NTM: variants seen among roughly 807,000 people sequenced by gnomAD.
The protein encoded by NTM is neurotrimin.
A neutral mutation model predicts 42.1 loss-of-function variants in NTM; 13 were observed. That is an observed-to-expected ratio of 0.31 (90% CI 0.20 to 0.49). The LOEUF (loss-of-function observed/expected upper bound fraction) is 0.49, where lower values mean the gene tolerates loss of function less well. NTM is among the 20% of genes least tolerant of loss of function. The pLI, the probability that NTM is intolerant of heterozygous loss-of-function variation, is 0.99. For missense variants in NTM, 373 were observed against 452.8 expected (o/e 0.82, Z 1.60); for synonymous variants, 187 against 179.2 (o/e 1.04, Z -0.35).
intron 1 of NTM, chr11:131,536,463 A>G (rs945521439): frequency 6.6e-6 from 1 of 152,238 alleles, no homozygotes; most frequent in Non-Finnish European, 1.5e-5. Flanking sequence ...TTAAGTAAAC[A>G]TGTAATTACA....
chr11:131,739,924 G>A (rs980872538), intron 1 of NTM, among the ~76,000 whole-genome samples: 2 of 152,182 alleles, frequency 1.3e-5, no homozygotes, highest in African/African-American at 4.8e-5. Flanking sequence ...CAACAATGAG[G>A]AGGGAGCTAA....
At chr11:131,461,388 A>T (rs1279214835) in intron 1 of NTM, among the ~76,000 whole-genome samples, 4 of 152,208 alleles carry the variant, frequency 2.6e-5, no homozygotes. Context: ...CCGATATTTA[A>T]CAATTTTGAG....
At chr11:132,027,716 G>A (rs1593878157) in intron 2 of NTM, among the ~76,000 whole-genome samples, 1 of 152,192 alleles carries the variant, frequency 6.6e-6, no homozygotes, top group African/African-American at 2.4e-5. Flanking sequence ...ATATGCCTAG[G>A]TGTAGTTTTT....
chr11:132,023,881 C>T (rs987140433), intron 2 of NTM, among the ~76,000 whole-genome samples: 12 of 151,778 alleles, frequency 7.9e-5, no homozygotes, highest in South Asian at 2.1e-4. Context: ...TGCAGTGGCG[C>T]GATCTCGGCT....
intron 1 of NTM, among the ~76,000 whole-genome samples, chr11:131,540,188 G>A (rs1487666089): frequency 1.0e-4 from 11 of 107,632 alleles, no homozygotes; most frequent in South Asian, 6.0e-4. Context: ...TTTTTGAGAC[G>A]GAGTCTCCCT....
At chr11:131,518,939 C>T (rs980861742) in intron 1 of NTM, among the ~76,000 whole-genome samples, 6 of 152,176 alleles carry the variant, frequency 3.9e-5, no homozygotes, top group African/African-American at 1.4e-4. Context: ...ATACAGCATC[C>T]CACAAATGTC....
intron 4 of NTM, among the ~76,000 whole-genome samples, chr11:132,253,874 T>C (rs1415050750): frequency 6.6e-6 from 1 of 152,236 alleles, no homozygotes; most frequent in Non-Finnish European, 1.5e-5. Context: ...GAACAAAGGC[T>C]GTCCTTTCCA....
chr11:131,708,430 C>G lies in NTM; in HGVS notation c.83-203134C>G, dbSNP rs190100369. Reference sequence around the variant, plus strand: ...TGACTTCATTTTGGCAGTAAGTATTCCTAAACATTAACATTAGAGATGTAA... The same window carrying G: ...TGACTTCATTTTGGCAGTAAGTATTGCTAAACATTAACATTAGAGATGTAA... On this transcript the variant is annotated intron_variant, in intron 1 of 8. Transcript: ENST00000683400. 1.1e-4 allele frequency among the ~76,000 whole-genome samples: 16 copies of G among 152,080 alleles called. No homozygotes were observed. The East Asian group carries it at 2.1e-3, about 20-fold the overall frequency.
At chr11:131,786,481 G>T (rs11222795) in intron 1 of NTM, among the ~76,000 whole-genome samples, 59,902 of 151,904 alleles carry the variant, frequency 0.39, 12,163 homozygotes, top group East Asian at 0.57. Context: ...GTCAACAGAG[G>T]TTGGAGGAAA....
chr11:132,080,630 T>A (rs1178316249), intron 2 of NTM, among the ~76,000 whole-genome samples: 1 of 152,236 alleles, frequency 6.6e-6, no homozygotes, highest in African/African-American at 2.4e-5. Context: ...CCTTGGGCTC[T>A]GGGAAGCCCT....
At chr11:131,518,498 C>A (rs1357714658) in intron 1 of NTM, among the ~76,000 whole-genome samples, 1 of 152,168 alleles carries the variant, frequency 6.6e-6, no homozygotes, top group South Asian at 2.1e-4. Flanking sequence ...AACAAAAGCC[C>A]AGTTAACCCA....
At chr11:132,176,721 A>ATT (rs2076866542) in intron 3 of NTM, among the ~76,000 whole-genome samples, 3 of 65,416 alleles carry the variant, frequency 4.6e-5, no homozygotes, top group African/African-American at 1.5e-4. Flanking sequence ...ACATGCCTAA[A>ATT]GTTTTTTTTT....
Position 131,564,281 on chromosome 11 carries a change from T to TTTG in NTM, c.82+193396_82+193398dup, listed in dbSNP as rs750059069. Among the ~76,000 whole-genome samples the TTTG allele has an allele frequency of 4.6e-4, 70 of 151,976 alleles. 1 individual carries two copies. Among genetic ancestry groups the TTTG allele is most frequent in the South Asian group, 6.2e-4 (3 of 4,802 alleles). ...TTATTTATGCCACCTTATTTATTTG[T>TTTG]TTGTTTTTAAACAAAGGAAAATTAT... is the stretch of plus-strand genomic sequence containing the variant. On this transcript the variant is annotated intron_variant, in intron 1 of 8. Coordinates refer to ENST00000683400, the MANE Select transcript of NTM (RefSeq NM_001352005.2).
intron 1 of NTM, among the ~76,000 whole-genome samples, chr11:131,803,088 A>G (rs769648750): frequency 6.6e-6 from 1 of 152,200 alleles, no homozygotes; most frequent in Non-Finnish European, 1.5e-5. Flanking sequence ...GGTAGCAAAT[A>G]CAGGACATTT....
chr11:131,424,431 C>T (rs558940614), intron 1 of NTM, among the ~76,000 whole-genome samples: 1 of 152,010 alleles, frequency 6.6e-6, no homozygotes, highest in East Asian at 1.9e-4. Context: ...CACTTAGACC[C>T]ATTTGACAGG....
chr11:132,116,173 G>A (rs1346523157), intron 2 of NTM, among the ~76,000 whole-genome samples: 1 of 152,194 alleles, frequency 6.6e-6, no homozygotes, highest in Non-Finnish European at 1.5e-5. Context: ...AGAGGGTGAG[G>A]CAACCAAGGG....
chr11:131,450,085 T>C (rs1239297337), intron 1 of NTM, among the ~76,000 whole-genome samples: 5 of 152,172 alleles, frequency 3.3e-5, no homozygotes, highest in Non-Finnish European at 7.3e-5. Flanking sequence ...TTCCTGCAGG[T>C]CCCTGCAGGT....
At chr11:132,302,565 G>T (rs186795577) in intron 4 of NTM, among the ~76,000 whole-genome samples, 29 of 152,238 alleles carry the variant, frequency 1.9e-4, no homozygotes, top group African/African-American at 7.0e-4. Context: ...GTTGTTCTGG[G>T]TCTGTCAGCC....
chr11:131,488,995 A>G (rs185406458), intron 1 of NTM, among the ~76,000 whole-genome samples: 3 of 152,348 alleles, frequency 2.0e-5, no homozygotes, highest in Admixed American at 2.0e-4. Context: ...TTCACTGTGC[A>G]TTAAGCCTTC....
Sources: allele counts gnomAD v4.1 joint callset (sites outside exome capture counted in the v4.1 genomes callset), GRCh38; gene constraint gnomAD v4.1.1; transcripts MANE v1.5; gene names NCBI Gene and HGNC (gene_info 2026-07-23, HGNC 2026-07-21).